USP38: variants seen among roughly 807,000 people sequenced by gnomAD.
The protein encoded by USP38 is ubiquitin carboxyl-terminal hydrolase 38.
In USP38, 49 loss-of-function variants were observed where a neutral mutation model predicts 94.3. The ratio of observed to expected loss-of-function variants is 0.52; its 90% CI spans 0.41 to 0.66. The LOEUF (loss-of-function observed/expected upper bound fraction) is 0.66, where lower values mean the gene tolerates loss of function less well. Ranked by LOEUF, USP38 falls within the 30% of genes least tolerant of loss-of-function variation. The pLI is 0.00. For synonymous variants in USP38, 468 were observed against 463.6 expected, an observed-to-expected ratio of 1.01 and a Z score of -0.12; for missense variants, 1,128 against 1,229.4, an observed-to-expected ratio of 0.92 and a Z score of 1.23.
At chr4:143,209,680 T>C (rs748698213) in intron 7 of USP38, 23 bp downstream of exon 7, 2 of 1,444,318 alleles carry the variant, frequency 1.4e-6, no homozygotes, top group South Asian at 2.4e-5. Flanking sequence ...GTGTATATAG[T>C]ACGTTTATGT....
rs369867064 is a variant in USP38, at chr4:143,209,788, C to G, written c.1497+131C>G. On this transcript the variant is annotated intron_variant, in intron 7 of 9. Coordinates refer to ENST00000307017, the MANE Select transcript of USP38 (RefSeq NM_032557.6). ...TATCTCACCCAGTATAACAAATCCA[C>G]TTAGAAATGCTAAAGAGATCCTGCC... 21 of 554,226 alleles carry G rather than the reference C, an allele frequency of 3.8e-5. No individual in the cohort carries two copies. In the East Asian group the frequency reaches 7.1e-4, roughly 19 times the overall value. The allele number at this position is 554,226 out of a possible 1,614,324, so 34.3% of individuals were successfully genotyped here. A position where few individuals can be genotyped will look rare whatever the true frequency, so the allele number is the denominator to read the frequency against.
chr4:143,193,949 T>G (rs974857344), intron 2 of USP38, among the ~76,000 whole-genome samples: 2 of 152,146 alleles, frequency 1.3e-5, no homozygotes, highest in African/African-American at 4.8e-5. Flanking sequence ...TAGCCAGTTG[T>G]GGTGATGCAC....
chr4:143,218,514 T>C (rs1401974633), intron 9 of USP38, among the ~76,000 whole-genome samples: 1 of 152,122 alleles, frequency 6.6e-6, no homozygotes, highest in East Asian at 1.9e-4. Context: ...CCACACATTT[T>C]TTTCTGTCAG....
At chr4:143,188,160 A>T (rs1383620342) in intron 2 of USP38, among the ~76,000 whole-genome samples, 199 bp downstream of exon 2, 2 of 152,138 alleles carry the variant, frequency 1.3e-5, no homozygotes, top group African/African-American at 4.8e-5. Context: ...TTTTCAATTC[A>T]ACTTTTTTTA....
chr4:143,189,868 T>C (rs747211074), intron 2 of USP38, among the ~76,000 whole-genome samples: 1 of 152,100 alleles, frequency 6.6e-6, no homozygotes, highest in Non-Finnish European at 1.5e-5. Flanking sequence ...TTCATTGTTC[T>C]TGAAATTTTT....
intron 9 of USP38, among the ~76,000 whole-genome samples, chr4:143,219,058 G>C (rs1732256523): frequency 6.6e-6 from 1 of 152,046 alleles, no homozygotes; most frequent in East Asian, 1.9e-4. Flanking sequence ...ATACCAAAGA[G>C]CCAGCAATTT....
rs1732321870 is a variant in USP38, at chr4:143,221,490, T to C, written c.*1034T>C. On this transcript the variant is annotated 3_prime_UTR_variant, in exon 10 of 10. Coordinates refer to ENST00000307017, the MANE Select transcript of USP38 (RefSeq NM_032557.6). ...GAATATTAAACATTGATCACATATT[T>C]TTAGAGTTTTACATTTGGGTTTTTT... The C allele has an allele frequency of 6.6e-6, 1 of 152,562 alleles. No individual in the cohort carries two copies. Among genetic ancestry groups the C allele is most frequent in the Admixed American group, 6.6e-5 (1 of 15,266 alleles). 9.5% of individuals were successfully genotyped at this position (152,562 alleles called of 1,614,324 possible).
At chr4:143,196,857 C>G (rs373731835) in intron 3 of USP38, among the ~76,000 whole-genome samples, 6 of 152,164 alleles carry the variant, frequency 3.9e-5, no homozygotes, top group African/African-American at 1.2e-4. Flanking sequence ...CTTTCACTTG[C>G]TCAAGCCAAA....
intron 7 of USP38, among the ~76,000 whole-genome samples, chr4:143,211,103 T>C (rs937081742): frequency 3.9e-5 from 6 of 151,928 alleles, no homozygotes; most frequent in East Asian, 3.9e-4. Context: ...TAGGCAGATA[T>C]ATACTTTATT....
chr4:143,198,052 A>G, intron 4 of USP38, 128 bp downstream of exon 4: 1 of 568,174 alleles, frequency 1.8e-6, no homozygotes, highest in Non-Finnish European at 3.0e-6. Context: ...ATATAGCTTT[A>G]TGATTTCCTA....
At chr4:143,197,529 G>A (rs112012443) in intron 3 of USP38, among the ~76,000 whole-genome samples, 17 of 152,302 alleles carry the variant, frequency 1.1e-4, no homozygotes, top group African/African-American at 4.1e-4. Flanking sequence ...TATTTGTTGA[G>A]TGAACTGAAT....
In USP38 at chr4:143,185,410, C is replaced by T. The variant is rs767571675; in HGVS notation, c.-41C>T. 2 of 1,525,106 alleles carry T rather than the reference C, an allele frequency of 1.3e-6. No individual in the cohort carries two copies. Among genetic ancestry groups the T allele is most frequent in the Non-Finnish European group, 1.8e-6 (2 of 1,136,086 alleles). The allele number at this position is 1,525,106 out of a possible 1,614,324, so 94.5% of individuals were successfully genotyped here. On this transcript the variant is annotated 5_prime_UTR_variant, in exon 1 of 10. Coordinates refer to ENST00000307017, the MANE Select transcript of USP38 (RefSeq NM_032557.6). Reference sequence around the variant, plus strand: ...GCCCCACCTCGGGGCTGCCGCCACCCGCTCCTTATCCCCTGGCCCTGGCCT... The same window carrying T: ...GCCCCACCTCGGGGCTGCCGCCACCTGCTCCTTATCCCCTGGCCCTGGCCT...
chr4:143,196,291 G>C (rs997514118), intron 3 of USP38, among the ~76,000 whole-genome samples: 2 of 152,174 alleles, frequency 1.3e-5, no homozygotes, highest in Admixed American at 1.3e-4. Flanking sequence ...GGATGACAGA[G>C]CAAGACTGCG....
At chr4:143,216,270 CATT>C (rs1295784468) in intron 9 of USP38, among the ~76,000 whole-genome samples, 2 of 152,016 alleles carry the variant, frequency 1.3e-5, no homozygotes, top group Non-Finnish European at 2.9e-5. Context: ...AAAGAAAAAG[CATT>C]ATGTATTTTG....
chr4:143,185,582 G>A lies in USP38; in HGVS notation c.132G>A (p.Leu44=), dbSNP rs1196849779. The A allele has an allele frequency of 4.3e-6, 7 of 1,614,062 alleles. No homozygotes were observed. The East Asian group carries it at 1.1e-4, about 26-fold the overall frequency. Reference sequence around the variant, plus strand: ...CGCAGTGCGAGGCCATGTTTGACCTGACGACCCGGCTCATCCTGGAGGGCC... The same window carrying A: ...CGCAGTGCGAGGCCATGTTTGACCTAACGACCCGGCTCATCCTGGAGGGCC... ...DEAQCEAMFD[L]TTRLILEGQD... The change falls in exon 1 of 10, where the codon CTG becomes CTA. Residue 44 remains leucine, a synonymous_variant. Transcript: ENST00000307017.
chr4:143,213,124 C>CT (rs1732072901), intron 8 of USP38, among the ~76,000 whole-genome samples: 2 of 151,938 alleles, frequency 1.3e-5, no homozygotes, highest in Admixed American at 1.3e-4. Flanking sequence ...CGCCTGACCA[C>CT]TTAATTAATA....
intron 6 of USP38, among the ~76,000 whole-genome samples, chr4:143,207,266 G>A (rs569622816): frequency 6.6e-6 from 1 of 152,322 alleles, no homozygotes; most frequent in South Asian, 2.1e-4. Flanking sequence ...TTGGTTGGGT[G>A]CCGTGGCTTG....
chr4:143,185,811 C>G lies in USP38; in HGVS notation c.361C>G (p.Leu121Val). The change falls in exon 1 of 10, where the codon CTG (leucine) becomes GTG (valine). Residue 121 changes from leucine (L) to valine (V), a missense_variant. Leu to Val is a conservative substitution (Grantham distance 32). Coordinates refer to ENST00000307017, the MANE Select transcript of USP38 (RefSeq NM_032557.6). ...GCTGATTATGAGCTGTCCGTCGGTG[C>G]TGGATCTCTTTAGCCTCCTGCAGGT... is the stretch of plus-strand genomic sequence containing the variant. ...LKLIMSCPSV[L>V]DLFSLLQVEV... 6.2e-7 allele frequency: 1 copy of G among 1,614,200 alleles called. No individual in the cohort carries two copies. The highest frequency in any genetic ancestry group is 8.5e-7 in the Non-Finnish European group (1 of 1,180,046).
In USP38 at chr4:143,220,681, T is replaced by A; in HGVS notation, c.*225T>A. On this transcript the variant is annotated 3_prime_UTR_variant, in exon 10 of 10. Coordinates refer to ENST00000307017, the MANE Select transcript of USP38 (RefSeq NM_032557.6). ...TTCCATTTGCTTTTATGGTTAGACA[T>A]GCTTGACCAAAAATGTTCAGAAGAA... 1 of 377,414 alleles carries A rather than the reference T, an allele frequency of 2.6e-6. No homozygotes were observed. The highest frequency in any genetic ancestry group is 4.4e-6 in the Non-Finnish European group (1 of 226,660). The allele number at this position is 377,414 out of a possible 1,614,324, so 23.4% of individuals were successfully genotyped here.
Sources: gnomAD v4.1 joint callset for allele counts (sites outside exome capture counted in the v4.1 genomes callset) on GRCh38, gnomAD v4.1.1 for gene constraint, MANE v1.5 for transcripts, NCBI Gene and HGNC (gene_info 2026-07-23, HGNC 2026-07-21) for gene names.